The following SRP19 variants were observed in gnomAD, a reference collection of about 807,000 sequenced individuals.
SRP19 encodes signal recognition particle 19.
Under a neutral mutation model 22.4 loss-of-function variants are expected in SRP19, and 11 were observed. The observed-to-expected ratio is 0.49, with a 90% CI of 0.31 to 0.81. SRP19 has a LOEUF of 0.81. SRP19 is among the 40% of genes least tolerant of loss of function. The probability of loss-of-function intolerance (pLI) is 0.05; values close to 1 mark genes in which losing one functional copy is unlikely to be tolerated. For missense variants in SRP19, 168 were observed against 175.9 expected, an observed-to-expected ratio of 0.96 and a Z score of 0.25; for synonymous variants, 61 against 57.6, an observed-to-expected ratio of 1.06 and a Z score of -0.27.
At chr5:112,862,392 G>C in intron 1 of SRP19, 116 bp from the exon 2 acceptor site, 7 of 841,726 alleles carry the variant, frequency 8.3e-6, no homozygotes, top group Non-Finnish European at 1.4e-5. Flanking sequence ...GTTGAAAAGG[G>C]AGTACCCATC....
chr5:112,861,493 C>G, intron 1 of SRP19, 76 bp downstream of exon 1: 3 of 1,507,098 alleles, frequency 2.0e-6, no homozygotes, highest in Non-Finnish European at 2.7e-6. Context: ...CGCGCTTCTC[C>G]GCTCCGCGGC....
At chr5:112,874,201 G>A (rs563009779), downstream of SRP19, among the ~76,000 whole-genome samples, 2 of 152,244 alleles carry the variant, frequency 1.3e-5, no homozygotes, top group Admixed American at 6.5e-5. Context: ...AGAGTGGCAG[G>A]ATATGGTGGC....
chr5:112,866,636 AGATT>A (rs1199094422), intron 4 of SRP19, among the ~76,000 whole-genome samples: 1 of 152,210 alleles, frequency 6.6e-6, no homozygotes, highest in Non-Finnish European at 1.5e-5. Flanking sequence ...AGCCTAAAAT[AGATT>A]GTTTTTTATA....
At chr5:112,874,644 G>A (rs1767853542), downstream of SRP19, among the ~76,000 whole-genome samples, 1 of 152,080 alleles carries the variant, frequency 6.6e-6, no homozygotes, top group African/African-American at 2.4e-5. Context: ...ACCCAACATT[G>A]CCCGGGCTGT....
intron 4 of SRP19, among the ~76,000 whole-genome samples, chr5:112,865,902 A>G (rs1368941102): frequency 1.3e-5 from 2 of 152,040 alleles, no homozygotes; most frequent in Admixed American, 6.6e-5. Flanking sequence ...TGATTTTTTT[A>G]AAATAGAGAG....
At chr5:112,884,183 C>T (rs1409188676) in intron 4 of SRP19, among the ~76,000 whole-genome samples, 2 of 152,154 alleles carry the variant, frequency 1.3e-5, no homozygotes, top group Non-Finnish European at 2.9e-5. Flanking sequence ...CTCCACATCT[C>T]ACATAGAGTA....
At position 112,864,519 on chromosome 5, in the gene SRP19, A is replaced by T; in HGVS notation, c.180A>T (p.Val60=). The stretch of plus-strand genomic sequence containing the variant: ...TATGTTCAGCAGTTGGACTTAACGT[A>T]TTTCTTGAGGTATGACGTGGTTCTT... The part of the protein sequence containing the change: ...QDVCSAVGLN[V]FLEKNKMYSR... The change falls in exon 3 of 5, where the codon GTA becomes GTT. Residue 60 remains valine, a synonymous_variant. Transcript: ENST00000505459. 1 of 1,614,046 alleles carries T rather than the reference A, an allele frequency of 6.2e-7. No individual in the cohort carries two copies. Among genetic ancestry groups the T allele is most frequent in the South Asian group, 1.1e-5 (1 of 91,072 alleles).
chr5:112,863,793 T>C (rs1448274023), intron 2 of SRP19, among the ~76,000 whole-genome samples: 1 of 152,140 alleles, frequency 6.6e-6, no homozygotes, highest in South Asian at 2.1e-4. Flanking sequence ...GCCTTCTGAG[T>C]AGCTGGGACT....
At chr5:112,887,008 G>T (rs1418647121) in intron 4 of SRP19, 1 of 1,591,754 alleles carries the variant, frequency 6.3e-7, no homozygotes. Flanking sequence ...TTGTTCCTGA[G>T]TCTTACCTTC....
At chr5:112,889,999 G>A (rs141356481) in intron 4 of SRP19, among the ~76,000 whole-genome samples, 1,830 of 150,376 alleles carry the variant, frequency 0.012, 48 homozygotes, top group Middle Eastern at 0.041. Flanking sequence ...GCTAATTTTT[G>A]TATTTTTAGT....
intron 4 of SRP19, among the ~76,000 whole-genome samples, chr5:112,879,567 G>A (rs1183057068): frequency 2.6e-5 from 4 of 152,040 alleles, no homozygotes; most frequent in Non-Finnish European, 4.4e-5. Context: ...TCTGCCTCCC[G>A]GGTTCATGCC....
chr5:112,893,410 A>T (rs1455235557), downstream of SRP19: 2 of 178,630 alleles, frequency 1.1e-5, no homozygotes, highest in African/African-American at 4.8e-5. Context: ...ACTGTGTCTC[A>T]AAAAATAGAA....
At chr5:112,871,206 T>C (rs1261681373), downstream of SRP19, among the ~76,000 whole-genome samples, 2 of 151,732 alleles carry the variant, frequency 1.3e-5, no homozygotes, top group South Asian at 2.1e-4. Flanking sequence ...AATATATTGC[T>C]GTTTCTTCAC....
At chr5:112,870,484 A>T (rs115929069), downstream of SRP19, among the ~76,000 whole-genome samples, 2,045 of 152,228 alleles carry the variant, frequency 0.013, 55 homozygotes, top group African/African-American at 0.046. Context: ...TCAAAAAAAA[A>T]AACGTACTGT....
At chr5:112,871,479 G>A (rs928475879), downstream of SRP19, among the ~76,000 whole-genome samples, 4 of 151,984 alleles carry the variant, frequency 2.6e-5, no homozygotes, top group East Asian at 7.7e-4. Flanking sequence ...TAGAGGCCAG[G>A]TGTGGTGTGG....
At chr5:112,887,036 C>T in intron 4 of SRP19, 1 of 1,609,722 alleles carries the variant, frequency 6.2e-7, no homozygotes, top group East Asian at 2.2e-5. Context: ...ATGGCATCTG[C>T]AGTCTCTTTG....
rs151172963 is a variant in SRP19 at position 112,869,577 on chromosome 5, C to T, written c.*2040C>T. 2,171 of 152,332 alleles carry T rather than the reference C, an allele frequency of 0.014. 26 individuals carry two copies. The highest frequency in any genetic ancestry group is 0.023 in the Non-Finnish European group (1,599 of 68,064). The allele number at this position is 152,332 out of a possible 1,614,324, so 9.4% of individuals were successfully genotyped here. A position where few individuals can be genotyped will look rare whatever the true frequency, so the allele number is the denominator to read the frequency against. ...CTATGTTTTTGCCTATGTATATATACTTGATATGGTTTGGCTGCTACCCAA... is the reference window on the plus strand; with the variant it reads ...CTATGTTTTTGCCTATGTATATATATTTGATATGGTTTGGCTGCTACCCAA... On this transcript the variant is annotated 3_prime_UTR_variant, in exon 5 of 5. Coordinates refer to ENST00000505459, the MANE Select transcript of SRP19 (RefSeq NM_003135.3).
downstream of SRP19, among the ~76,000 whole-genome samples, chr5:112,872,520 G>A (rs1767781408): frequency 2.0e-5 from 3 of 151,924 alleles, no homozygotes; most frequent in South Asian, 2.1e-4. Flanking sequence ...GTAGAGATGG[G>A]GTTTCGCTGT....
intron 4 of SRP19, among the ~76,000 whole-genome samples, chr5:112,889,556 G>T (rs530832319): frequency 2.0e-5 from 3 of 150,534 alleles, no homozygotes; most frequent in African/African-American, 7.4e-5. Flanking sequence ...GTTTGCAATA[G>T]AATTATTTTT....
Sources: gnomAD v4.1 joint callset for allele counts (sites outside exome capture counted in the v4.1 genomes callset) on GRCh38, gnomAD v4.1.1 for gene constraint, MANE v1.5 for transcripts, NCBI Gene and HGNC (gene_info 2026-07-23, HGNC 2026-07-21) for gene names.